The following SORCS1 variants were observed in gnomAD, a reference collection of about 807,000 sequenced individuals.
SORCS1 encodes sortilin related VPS10 domain containing receptor 1.
Under a neutral mutation model 146.1 loss-of-function variants are expected in SORCS1, and 60 were observed. That is an observed-to-expected ratio of 0.41 (90% CI 0.33 to 0.51). The LOEUF (loss-of-function observed/expected upper bound fraction) is 0.51. Among genes scored for constraint, SORCS1 ranks in the 20% least tolerant of loss-of-function variants. The probability of loss-of-function intolerance (pLI) is 0.21; values close to 1 mark genes in which losing one functional copy is unlikely to be tolerated. For missense variants in SORCS1, 1,352 were observed against 1,487.6 expected (o/e 0.91, Z 1.50); for synonymous variants, 637 against 584.0 (o/e 1.09, Z -1.31).
intron 1 of SORCS1, among the ~76,000 whole-genome samples, chr10:106,978,477 G>T (rs752130880): frequency 6.6e-6 from 1 of 152,098 alleles, no homozygotes; most frequent in Non-Finnish European, 1.5e-5. Context: ...GTAAGGAGCG[G>T]ATTAGCAAGT....
chr10:107,179,364 A>G, the SORCS1 span, among the ~76,000 whole-genome samples: 1 of 152,202 alleles, frequency 6.6e-6, no homozygotes, highest in Non-Finnish European at 1.5e-5. Context: ...TACATGTATC[A>G]TGTTGCCCTT....
At chr10:107,017,233 A>G (rs562034974) in intron 1 of SORCS1, among the ~76,000 whole-genome samples, 1 of 152,362 alleles carries the variant, frequency 6.6e-6, no homozygotes, top group South Asian at 2.1e-4. Context: ...GCAACTAAAA[A>G]CTGGAAACAA....
intron 1 of SORCS1, among the ~76,000 whole-genome samples, chr10:107,114,524 C>T (rs1965897808): frequency 6.6e-6 from 1 of 152,092 alleles, no homozygotes; most frequent in African/African-American, 2.4e-5. Flanking sequence ...ATAGTCTCAA[C>T]ATATGCAGAA....
At chr10:106,942,602 C>T (rs898958632) in intron 2 of SORCS1, among the ~76,000 whole-genome samples, 2 of 152,164 alleles carry the variant, frequency 1.3e-5, no homozygotes, top group African/African-American at 4.8e-5. Flanking sequence ...CAACATACAA[C>T]CAAATGGCAG....
At chr10:106,623,046 G>A (rs1342093778) in intron 19 of SORCS1, among the ~76,000 whole-genome samples, 1 of 152,102 alleles carries the variant, frequency 6.6e-6, no homozygotes. Flanking sequence ...CCACCCCAGG[G>A]CCTTTGCTTC....
intron 2 of SORCS1, among the ~76,000 whole-genome samples, chr10:106,950,208 C>G (rs1954601717): frequency 6.6e-6 from 1 of 152,204 alleles, no homozygotes; most frequent in Non-Finnish European, 1.5e-5. Context: ...CACCAACTTG[C>G]TCCAAGATTA....
Position 106,671,231 on chromosome 10 carries a change from G to C in SORCS1, c.2189+6C>G. 1 of 1,614,036 alleles carries C rather than the reference G, an allele frequency of 6.2e-7. No individual in the cohort carries two copies. Among genetic ancestry groups the C allele is most frequent in the Non-Finnish European group, 8.5e-7 (1 of 1,179,954 alleles). ...ATGGCTCCAGGAGATAATTGCACAAGCTCACCAATCAAAATCAGCCTCAGT... is the reference window on the plus strand; with the variant it reads ...ATGGCTCCAGGAGATAATTGCACAACCTCACCAATCAAAATCAGCCTCAGT... On this transcript the variant is annotated splice_donor_region_variant and intron_variant, in intron 16 of 25. Coordinates refer to ENST00000263054, the MANE Select transcript of SORCS1 (RefSeq NM_052918.5).
At chr10:106,930,747 A>G (rs563300488) in intron 2 of SORCS1, among the ~76,000 whole-genome samples, 1 of 152,154 alleles carries the variant, frequency 6.6e-6, no homozygotes, top group Non-Finnish European at 1.5e-5. Context: ...TTTTTTAATA[A>G]TATGGTTAGT....
intron 1 of SORCS1, among the ~76,000 whole-genome samples, chr10:107,063,792 A>G (rs1961466203): frequency 6.6e-6 from 1 of 152,214 alleles, no homozygotes; most frequent in Non-Finnish European, 1.5e-5. Flanking sequence ...CTCTTATACC[A>G]AAGTTACATA....
chr10:107,172,598 T>C, the SORCS1 span, among the ~76,000 whole-genome samples: 1 of 152,250 alleles, frequency 6.6e-6, no homozygotes, highest in African/African-American at 2.4e-5. Flanking sequence ...GGATGTGTCA[T>C]CTATCTCTTA....
chr10:106,972,953 G>A (rs956343232), intron 1 of SORCS1, among the ~76,000 whole-genome samples: 1 of 152,164 alleles, frequency 6.6e-6, no homozygotes, highest in African/African-American at 2.4e-5. Context: ...TTCTGATCTG[G>A]AAGTACGGCC....
At chr10:106,744,910 A>G (rs1394244019) in intron 5 of SORCS1, among the ~76,000 whole-genome samples, 1 of 152,198 alleles carries the variant, frequency 6.6e-6, no homozygotes, top group Non-Finnish European at 1.5e-5. Flanking sequence ...CCCCACCTCC[A>G]TGGTCAACCA....
At chr10:107,038,414 C>T (rs867919658) in intron 1 of SORCS1, among the ~76,000 whole-genome samples, 39 of 151,120 alleles carry the variant, frequency 2.6e-4, no homozygotes, top group South Asian at 1.5e-3. Context: ...GGGGGAGAGA[C>T]AGCATTAGGA....
At chr10:107,065,017 T>C (rs981437982) in intron 1 of SORCS1, among the ~76,000 whole-genome samples, 2 of 152,132 alleles carry the variant, frequency 1.3e-5, no homozygotes, top group African/African-American at 4.8e-5. Flanking sequence ...CAGCTGGAAC[T>C]ATGAGCTCGA....
At chr10:106,862,264 G>A (rs572036544) in intron 2 of SORCS1, among the ~76,000 whole-genome samples, 31 of 152,218 alleles carry the variant, frequency 2.0e-4, no homozygotes, top group African/African-American at 6.7e-4. Context: ...CAGGGTGAAC[G>A]CACATCTTCT....
At chr10:106,786,616 T>C (rs1715130459) in intron 3 of SORCS1, among the ~76,000 whole-genome samples, 1 of 151,808 alleles carries the variant, frequency 6.6e-6, no homozygotes. Flanking sequence ...GGGCCAGACT[T>C]AATGGGAGGA....
At chr10:106,854,443 C>T (rs754674972) in intron 2 of SORCS1, among the ~76,000 whole-genome samples, 6 of 151,856 alleles carry the variant, frequency 4.0e-5, no homozygotes, top group Non-Finnish European at 7.4e-5. Context: ...AGGCCACTGA[C>T]ATTTAAAGTG....
chr10:107,017,678 C>T (rs542002429), intron 1 of SORCS1, among the ~76,000 whole-genome samples: 6 of 152,288 alleles, frequency 3.9e-5, no homozygotes, highest in African/African-American at 1.4e-4. Context: ...TTTTTTGAGA[C>T]AGCGTCTCAC....
chr10:106,672,838 A>G lies in SORCS1; in HGVS notation c.2058+30T>C, dbSNP rs755002335. ...CCAACACCACTCATGCTTCCTGCCCAGGCCTTAGTCTCAGTTCTTTTCCTC... is the reference window on the plus strand; with the variant it reads ...CCAACACCACTCATGCTTCCTGCCCGGGCCTTAGTCTCAGTTCTTTTCCTC... On this transcript the variant is annotated intron_variant, in intron 15 of 25. Transcript: ENST00000263054. 6 of 1,585,006 alleles carry G rather than the reference A, an allele frequency of 3.8e-6. No homozygotes were observed. The East Asian group carries it at 1.3e-4, about 35-fold the overall frequency.
Sources: allele counts gnomAD v4.1 joint callset (sites outside exome capture counted in the v4.1 genomes callset), GRCh38; gene constraint gnomAD v4.1.1; transcripts MANE v1.5; gene names NCBI Gene and HGNC (gene_info 2026-07-23, HGNC 2026-07-21).